Variants in NUP133 observed in about 807,000 individuals in gnomAD.
The protein encoded by NUP133 is nuclear pore complex protein Nup133.
Under a neutral mutation model 146.2 loss-of-function variants are expected in NUP133, and 66 were observed. The observed-to-expected ratio is 0.45, with a 90% CI of 0.37 to 0.55. The LOEUF (loss-of-function observed/expected upper bound fraction) is 0.55, where lower values mean the gene tolerates loss of function less well. Ranked by LOEUF, NUP133 falls within the 20% of genes least tolerant of loss-of-function variation. The probability of loss-of-function intolerance (pLI) is 0.00; values close to 1 mark genes in which losing one functional copy is unlikely to be tolerated. For missense variants in NUP133, 1,277 were observed against 1,374.8 expected (o/e 0.93, Z 1.12); for synonymous variants, 521 against 498.8 (o/e 1.04, Z -0.59).
chr1:229,478,312 C>T (rs1033954857), intron 12 of NUP133, among the ~76,000 whole-genome samples: 6 of 151,952 alleles, frequency 3.9e-5, no homozygotes, highest in Admixed American at 1.3e-4. Context: ...AGAACATGCT[C>T]GGCTCTGGAC....
chr1:229,478,893 C>A (rs1444316005), intron 12 of NUP133, among the ~76,000 whole-genome samples: 1 of 152,112 alleles, frequency 6.6e-6, no homozygotes, highest in Non-Finnish European at 1.5e-5. Context: ...GATGTCAGAT[C>A]AGACAAGAGA....
intron 12 of NUP133, among the ~76,000 whole-genome samples, chr1:229,479,562 A>G (rs77295028): frequency 2.0e-5 from 3 of 152,330 alleles, no homozygotes; most frequent in East Asian, 3.9e-4. Flanking sequence ...GAACAACTGT[A>G]TAAGAATGAC....
intron 19 of NUP133, among the ~76,000 whole-genome samples, chr1:229,462,573 T>C (rs1660716843): frequency 6.6e-6 from 1 of 151,156 alleles, no homozygotes; most frequent in Non-Finnish European, 1.5e-5. Context: ...AATTTTTTTT[T>C]TTTTTAAAGA....
intron 12 of NUP133, among the ~76,000 whole-genome samples, chr1:229,478,808 A>G (rs966130955): frequency 2.6e-5 from 4 of 152,222 alleles, no homozygotes; most frequent in African/African-American, 4.8e-5. Context: ...AGGACAATGG[A>G]CAGGCACTGT....
chr1:229,479,986 G>A (rs371219197), intron 12 of NUP133, among the ~76,000 whole-genome samples: 9 of 152,320 alleles, frequency 5.9e-5, no homozygotes, highest in South Asian at 2.1e-4. Context: ...GAGCCAGCAC[G>A]AGAAAGGTCA....
intron 19 of NUP133, among the ~76,000 whole-genome samples, chr1:229,462,556 C>T (rs1660716227): frequency 6.6e-6 from 1 of 151,476 alleles, no homozygotes; most frequent in Non-Finnish European, 1.5e-5. Flanking sequence ...GATAGTGTCA[C>T]AATGGAAATT....
In NUP133 at chr1:229,443,751, C is replaced by T. The variant is rs1407244423; in HGVS notation, c.3334+1163G>A. On this transcript the variant is annotated intron_variant, in intron 25 of 25. Transcript: ENST00000261396. ...TTTTTTTTTTTTTTTTTTTTTGAGA[C>T]GGAGTCTCGCTCTGTCACCCAGGCT... 2.1e-4 allele frequency among the ~76,000 whole-genome samples: 24 copies of T among 114,752 alleles called. No homozygotes were observed. The Admixed American group carries it at 2.2e-3, about 10-fold the overall frequency. The allele number at this position is 114,752 out of a possible 152,430, so 75.3% of individuals were successfully genotyped here. A position where few individuals can be genotyped will look rare whatever the true frequency, so the allele number is the denominator to read the frequency against.
At chr1:229,488,704 A>G (rs1251917418) in intron 9 of NUP133, among the ~76,000 whole-genome samples, 1 of 152,076 alleles carries the variant, frequency 6.6e-6, no homozygotes, top group African/African-American at 2.4e-5. Context: ...TAAGAATTTA[A>G]GCCAGGAACG....
intron 17 of NUP133, 81 bp from the exon 18 acceptor site, chr1:229,464,956 T>C: frequency 6.6e-7 from 1 of 1,520,126 alleles, no homozygotes; most frequent in Non-Finnish European, 9.0e-7. Flanking sequence ...ATAAAAATTA[T>C]GCCTCTTCAT....
chr1:229,470,181 A>T (rs1660921505), intron 15 of NUP133, among the ~76,000 whole-genome samples: 1 of 151,802 alleles, frequency 6.6e-6, no homozygotes, highest in African/African-American at 2.4e-5. Flanking sequence ...TCTACTAAAA[A>T]TATGAAAATT....
intron 8 of NUP133, among the ~76,000 whole-genome samples, chr1:229,494,446 G>C (rs1303612733): frequency 6.6e-6 from 1 of 152,130 alleles, no homozygotes; most frequent in Non-Finnish European, 1.5e-5. Context: ...CCCAAAACAT[G>C]TAACAAGAAC....
intron 21 of NUP133, among the ~76,000 whole-genome samples, chr1:229,454,303 C>G (rs3767326): frequency 2.6e-5 from 4 of 151,896 alleles, no homozygotes; most frequent in Non-Finnish European, 5.9e-5. Context: ...GCTAGGCAGC[C>G]TCATAAACAC....
At chr1:229,455,223 T>A (rs1660535395) in intron 21 of NUP133, among the ~76,000 whole-genome samples, 1 of 152,214 alleles carries the variant, frequency 6.6e-6, no homozygotes, top group African/African-American at 2.4e-5. Context: ...ATATACTTGA[T>A]CCAAACCACA....
intron 8 of NUP133, among the ~76,000 whole-genome samples, chr1:229,493,658 G>T (rs1010771554): frequency 6.6e-6 from 1 of 152,180 alleles, no homozygotes; most frequent in African/African-American, 2.4e-5. Context: ...GTACTAACTG[G>T]ATAATTTTGA....
At position 229,498,320 on chromosome 1, in the gene NUP133, T is replaced by C. The variant is rs757897260; in HGVS notation, c.649-14A>G. ...AAAACTTCCTCCCTGTGAAAAAACA[T>C]TATGAGGTTAGTTCAGTTTAGCATC... On this transcript the variant is annotated splice_polypyrimidine_tract_variant and intron_variant, in intron 5 of 25. Coordinates refer to ENST00000261396, the MANE Select transcript of NUP133 (RefSeq NM_018230.3). The C allele has an allele frequency of 6.4e-7, 1 of 1,561,432 alleles. No homozygotes were observed. Among genetic ancestry groups the C allele is most frequent in the East Asian group, 2.3e-5 (1 of 43,186 alleles).
intron 5 of NUP133, 71 bp from the exon 6 acceptor site, chr1:229,498,377 TAC>T (rs1209737608): frequency 4.5e-5 from 48 of 1,066,690 alleles, no homozygotes; most frequent in Non-Finnish European, 6.2e-5. Context: ...AATTCTTTGA[TAC>T]AGAGAAAAAT....
Position 229,486,500 on chromosome 1 carries a change from A to G in NUP133, c.1371T>C (p.Cys457=). ...QGDSVLGAGA[C]GGVPIIFSRN... ...TAGAAAAAATGATAGGAACACCACC[A>G]CAGGCACCAGCACCTAAAACACTAT... is the stretch of plus-strand genomic sequence containing the variant. Residue 457 remains cysteine, a synonymous_variant, in exon 11 of 26, where the codon TGT becomes TGC. Coordinates refer to ENST00000261396, the MANE Select transcript of NUP133 (RefSeq NM_018230.3). 6.2e-7 allele frequency: 1 copy of G among 1,610,024 alleles called. No individual in the cohort carries two copies. The highest frequency in any genetic ancestry group is 8.5e-7 in the Non-Finnish European group (1 of 1,178,902).
intron 22 of NUP133, 77 bp downstream of exon 22, chr1:229,452,448 C>CTA (rs1296408092): frequency 9.4e-7 from 1 of 1,062,984 alleles, no homozygotes; most frequent in Non-Finnish European, 1.4e-6. Context: ...CTCTTAGGAA[C>CTA]TATACTACAT....
intron 17 of NUP133, 142 bp downstream of exon 17, chr1:229,465,278 A>AT: frequency 1.0e-5 from 7 of 672,946 alleles, no homozygotes; most frequent in Non-Finnish European, 2.6e-6. Context: ...GAATAAAGTG[A>AT]TTTTGACAAG....
Sources: allele counts gnomAD v4.1 joint callset (sites outside exome capture counted in the v4.1 genomes callset), GRCh38; gene constraint gnomAD v4.1.1; transcripts MANE v1.5; gene names NCBI Gene and HGNC (gene_info 2026-07-23, HGNC 2026-07-21).